Variants in TMCC1 observed in about 807,000 individuals in gnomAD.
TMCC1 encodes transmembrane and coiled-coil domains protein 1.
A neutral mutation model predicts 52.4 loss-of-function variants in TMCC1; 15 were observed. That is an observed-to-expected ratio of 0.29 (90% CI 0.19 to 0.44). The LOEUF (loss-of-function observed/expected upper bound fraction) is 0.44. Among genes scored for constraint, TMCC1 ranks in the 20% least tolerant of loss-of-function variants. TMCC1 has a pLI of 1.00. For missense variants in TMCC1, 503 were observed against 806.0 expected (o/e 0.62, Z 4.55); for synonymous variants, 279 against 301.9 (o/e 0.92, Z 0.79).
intron 4 of TMCC1, among the ~76,000 whole-genome samples, chr3:129,775,017 G>T (rs2054915471): frequency 6.6e-6 from 1 of 152,176 alleles, no homozygotes; most frequent in Non-Finnish European, 1.5e-5. Flanking sequence ...GAGACCACTA[G>T]AAGACTGCTG....
chr3:129,816,303 A>G (rs1430595572), intron 4 of TMCC1, among the ~76,000 whole-genome samples: 2 of 152,252 alleles, frequency 1.3e-5, no homozygotes, highest in Non-Finnish European at 2.9e-5. Flanking sequence ...TGCAAGTGCT[A>G]TTCACAATAG....
chr3:129,710,343 G>T (rs958762132), intron 4 of TMCC1, among the ~76,000 whole-genome samples: 1 of 152,122 alleles, frequency 6.6e-6, no homozygotes, highest in Non-Finnish European at 1.5e-5. Context: ...TTTTTGAGAT[G>T]GGGGAATAGG....
At chr3:129,719,343 C>G (rs144343490) in intron 4 of TMCC1, among the ~76,000 whole-genome samples, 261 of 152,352 alleles carry the variant, frequency 1.7e-3, no homozygotes, top group Non-Finnish European at 2.6e-3. Flanking sequence ...GGAAGCACTG[C>G]ATCCCTTCCC....
chr3:129,827,859 C>T lies in TMCC1; in HGVS notation c.520G>A (p.Ala174Thr), dbSNP rs762474735. The part of the protein sequence containing the change: ...TSSAMMEIAC[A>T]AAAAAAACLP... ...CATGCAGCAGCAGCAGCAGCAGCAG[C>T]ACAAGCTATTTCCATCATAGCAGAG... is the stretch of plus-strand genomic sequence containing the variant. Residue 174 changes from alanine (A) to threonine (T), a missense_variant, in exon 4 of 7, where the codon GCT becomes ACT. This residue lies in a region of TMCC1 where 217 missense variants were observed against 297.9 expected (regional missense o/e 0.73). Transcript: ENST00000393238. The T allele has an allele frequency of 3.7e-6, 6 of 1,613,958 alleles. No individual in the cohort carries two copies. Among genetic ancestry groups the T allele is most frequent in the African/African-American group, 2.7e-5 (2 of 74,930 alleles).
intron 4 of TMCC1, among the ~76,000 whole-genome samples, chr3:129,689,301 A>G (rs2089633535): frequency 6.6e-6 from 1 of 152,216 alleles, no homozygotes; most frequent in African/African-American, 2.4e-5. Context: ...ACAGAACTGA[A>G]TATCTTATTA....
intron 2 of TMCC1, among the ~76,000 whole-genome samples, chr3:129,834,235 G>A (rs2059052503): frequency 6.6e-6 from 1 of 152,144 alleles, no homozygotes; most frequent in Admixed American, 6.6e-5. Context: ...CCAGCAGGCA[G>A]TAATCACAGT....
At chr3:129,694,447 TAA>T (rs2047252478) in intron 4 of TMCC1, among the ~76,000 whole-genome samples, 1 of 152,230 alleles carries the variant, frequency 6.6e-6, no homozygotes, top group African/African-American at 2.4e-5. Context: ...ATGGGCTAGG[TAA>T]AGTCAGGTTA....
chr3:129,677,534 C>G (rs1419105044), intron 4 of TMCC1, among the ~76,000 whole-genome samples: 1 of 152,166 alleles, frequency 6.6e-6, no homozygotes, highest in Non-Finnish European at 1.5e-5. Flanking sequence ...TTAATTCCTG[C>G]TACAAATACT....
At position 129,784,074 on chromosome 3, in the gene TMCC1, G is replaced by A. The variant is rs2055766623; in HGVS notation, c.576+43729C>T. Among the ~76,000 whole-genome samples the A allele has an allele frequency of 2.0e-5, 3 of 152,144 alleles. No individual in the cohort carries two copies. The South Asian group carries it at 6.2e-4, about 31-fold the overall frequency. ...ATTAGACGTAGCCTGGGGTGAAGAC[G>A]GCAGTGGTAGTATGGGAAGGGATGG... On this transcript the variant is annotated intron_variant, in intron 4 of 6. Transcript: ENST00000393238.
At chr3:129,797,282 C>T (rs950078356) in intron 4 of TMCC1, among the ~76,000 whole-genome samples, 6 of 151,034 alleles carry the variant, frequency 4.0e-5, no homozygotes, top group Admixed American at 1.3e-4. Flanking sequence ...GCCGAGATCA[C>T]GCCACTGCAC....
At chr3:129,703,484 A>G (rs1560223778) in intron 4 of TMCC1, among the ~76,000 whole-genome samples, 1 of 152,190 alleles carries the variant, frequency 6.6e-6, no homozygotes, top group Non-Finnish European at 1.5e-5. Context: ...GCTAGTCTGC[A>G]CAGGAGACAG....
intron 4 of TMCC1, among the ~76,000 whole-genome samples, chr3:129,745,030 G>T (rs2051801434): frequency 6.6e-6 from 1 of 152,150 alleles, no homozygotes; most frequent in African/African-American, 2.4e-5. Flanking sequence ...GCAATTTCAA[G>T]GGGAGATGTA....
chr3:129,885,178 T>C (rs1476695972), intron 1 of TMCC1, among the ~76,000 whole-genome samples: 1 of 151,964 alleles, frequency 6.6e-6, no homozygotes, highest in Non-Finnish European at 1.5e-5. Flanking sequence ...GCAAAGAATG[T>C]TCCTTGTTTT....
rs375179375 is a variant in TMCC1 at position 129,823,314 on chromosome 3, G to A, written c.576+4489C>T. On this transcript the variant is annotated intron_variant, in intron 4 of 6. Coordinates refer to ENST00000393238, the MANE Select transcript of TMCC1 (RefSeq NM_001017395.5). ...GCACTCCAGCCTGGGCAACAAGAGC[G>A]AAATTCCATCTCAAACAAAACAAAA... Among the ~76,000 whole-genome samples, 8 of 132,374 alleles carry A rather than the reference G, an allele frequency of 6.0e-5. No homozygotes were observed. In the East Asian group the frequency reaches 1.6e-3, roughly 27 times the overall value. The allele number at this position is 132,374 out of a possible 152,430, so 86.8% of individuals were successfully genotyped here. A position where few individuals can be genotyped will look rare whatever the true frequency, so the allele number is the denominator to read the frequency against.
chr3:129,745,194 A>T (rs1411125262), intron 4 of TMCC1, among the ~76,000 whole-genome samples: 1 of 152,254 alleles, frequency 6.6e-6, no homozygotes, highest in African/African-American at 2.4e-5. Flanking sequence ...TCAAAAGTAC[A>T]AAAACAAAGA....
intron 4 of TMCC1, among the ~76,000 whole-genome samples, chr3:129,694,590 AC>A (rs1193444280): frequency 6.6e-6 from 1 of 152,082 alleles, no homozygotes; most frequent in African/African-American, 2.4e-5. Context: ...GCCAGCTAAA[AC>A]CCACTGAAAC....
At chr3:129,727,907 C>T (rs2050232987) in intron 4 of TMCC1, among the ~76,000 whole-genome samples, 1 of 152,152 alleles carries the variant, frequency 6.6e-6, no homozygotes, top group Admixed American at 6.5e-5. Context: ...AACTCAGCTG[C>T]CATGCTACAA....
chr3:129,804,477 T>C (rs977222703), intron 4 of TMCC1, among the ~76,000 whole-genome samples: 28 of 152,204 alleles, frequency 1.8e-4, no homozygotes, highest in African/African-American at 6.8e-4. Flanking sequence ...TTGTTGCATA[T>C]TTTATTTTTA....
intron 4 of TMCC1, among the ~76,000 whole-genome samples, chr3:129,695,378 G>A (rs1254810792): frequency 2.0e-5 from 3 of 152,112 alleles, no homozygotes; most frequent in Non-Finnish European, 4.4e-5. Context: ...GATGCAATGT[G>A]TATTAGTCTG....
Sources: gnomAD v4.1 joint callset for allele counts (sites outside exome capture counted in the v4.1 genomes callset) on GRCh38, gnomAD v4.1.1 for gene constraint, gnomAD v4.1.1 regional missense constraint, MANE v1.5 for transcripts, NCBI Gene and HGNC (gene_info 2026-07-23, HGNC 2026-07-21) for gene names.